CCNY: variants seen among roughly 807,000 people sequenced by gnomAD.
CCNY encodes cyclin-Y.
In CCNY, 19 loss-of-function variants were observed where a neutral mutation model predicts 42.8. That is an observed-to-expected ratio of 0.44 (90% CI 0.31 to 0.65). The LOEUF is 0.65. CCNY is among the 30% of genes least tolerant of loss of function. The probability of loss-of-function intolerance (pLI) is 0.07; values close to 1 mark genes in which losing one functional copy is unlikely to be tolerated. For missense variants in CCNY, 370 were observed against 437.3 expected, an observed-to-expected ratio of 0.85 and a Z score of 1.37; for synonymous variants, 165 against 162.7, an observed-to-expected ratio of 1.01 and a Z score of -0.11.
At position 35,421,915 on chromosome 10, in the gene CCNY, C is replaced by T. The variant is rs114472435; in HGVS notation, c.155-61489C>T. Among the ~76,000 whole-genome samples the T allele has an allele frequency of 1.4e-3, 218 of 152,170 alleles. 1 individual carries two copies. Among genetic ancestry groups the T allele is most frequent in the African/African-American group, 3.6e-3 (148 of 41,480 alleles). On this transcript the variant is annotated intron_variant, in intron 1 of 9. Transcript: ENST00000374704. ...GTTGGGTGAATTTTAATTCAGTCTC[C>T]GTAACAATCTTAGGTGGATACTCAT...
intron 1 of CCNY, among the ~76,000 whole-genome samples, chr10:35,457,393 T>C (rs1839060689): frequency 6.6e-6 from 1 of 152,210 alleles, no homozygotes; most frequent in African/African-American, 2.4e-5. Flanking sequence ...TGTGTACACC[T>C]GCCCGTCCTT....
chr10:35,325,648 T>C (rs766460583), intron 3 of CCNY, among the ~76,000 whole-genome samples: 1 of 151,894 alleles, frequency 6.6e-6, no homozygotes, highest in Non-Finnish European at 1.5e-5. Context: ...TTGTATTTTT[T>C]AGTAGAGACA....
Position 35,504,837 on chromosome 10 carries a change from A to G in CCNY, c.264+3302A>G, listed in dbSNP as rs143941389. ...TTTTTAGTAGAGACAGGAATTAGCT[A>G]TGTTGGCCAGGCTGGTCTTGAACCC... On this transcript the variant is annotated intron_variant, in intron 3 of 9. Coordinates refer to ENST00000374704, the MANE Select transcript of CCNY (RefSeq NM_145012.6). 1.3e-3 allele frequency among the ~76,000 whole-genome samples: 194 copies of G among 152,162 alleles called. 2 individuals carry two copies. The highest frequency in any genetic ancestry group is 4.3e-3 in the African/African-American group (180 of 41,506).
chr10:35,417,931 C>T (rs79715583), intron 1 of CCNY, among the ~76,000 whole-genome samples: 5,231 of 152,248 alleles, frequency 0.034, 127 homozygotes, highest in Non-Finnish European at 0.053. Context: ...CAAAAGCCTT[C>T]AGCAAGATGC....
intron 3 of CCNY, among the ~76,000 whole-genome samples, chr10:35,505,025 A>G (rs1393385656): frequency 6.7e-6 from 1 of 149,334 alleles, no homozygotes; most frequent in African/African-American, 2.5e-5. Flanking sequence ...ATTTGCTGAC[A>G]TTTTGACTTT....
chr10:35,389,753 A>C (rs570736333), intron 1 of CCNY, among the ~76,000 whole-genome samples: 14 of 152,300 alleles, frequency 9.2e-5, no homozygotes, highest in African/African-American at 4.8e-5. Flanking sequence ...TGTGACTCTT[A>C]AAGTAGTGAG....
chr10:35,359,682 T>G (rs547441867), intron 1 of CCNY, among the ~76,000 whole-genome samples: 1 of 152,226 alleles, frequency 6.6e-6, no homozygotes, highest in East Asian at 1.9e-4. Flanking sequence ...TTAGGCACAT[T>G]CACATTGCTG....
chr10:35,259,683 T>A, intron 3 of CCNY, among the ~76,000 whole-genome samples: 1 of 146,242 alleles, frequency 6.8e-6, no homozygotes. Context: ...TTTTTTTTTT[T>A]TTTTTTTTTT....
At chr10:35,509,281 G>A (rs1230248376) in intron 3 of CCNY, among the ~76,000 whole-genome samples, 1 of 151,844 alleles carries the variant, frequency 6.6e-6, no homozygotes, top group Non-Finnish European at 1.5e-5. Flanking sequence ...CTTTTTTGGG[G>A]GCTGGGGGTA....
intron 3 of CCNY, among the ~76,000 whole-genome samples, chr10:35,280,163 C>T (rs375169151): frequency 2.0e-5 from 3 of 152,006 alleles, no homozygotes; most frequent in African/African-American, 7.2e-5. Flanking sequence ...CTTGTCTCTA[C>T]AAAAAATACA....
chr10:35,296,450 G>A lies in CCNY; in HGVS notation c.-9+45824G>A, dbSNP rs564490684. ...ACAAAAATTAGTTGTGTGTGGTGGC[G>A]CATACCTGTAATCCCAGTTACTTGG... is the stretch of plus-strand genomic sequence containing the variant. On this transcript the variant is annotated intron_variant, in intron 3 of 11. Coordinates refer to the CCNY transcript ENST00000374706. Among the ~76,000 whole-genome samples the A allele has an allele frequency of 7.9e-5, 12 of 152,234 alleles. No homozygotes were observed. In the East Asian group the frequency reaches 1.7e-3, roughly 22 times the overall value.
At chr10:35,430,066 G>A (rs979740580) in intron 1 of CCNY, among the ~76,000 whole-genome samples, 6 of 151,818 alleles carry the variant, frequency 4.0e-5, no homozygotes, top group East Asian at 3.9e-4. Context: ...TGCCGGGCGC[G>A]GTGGCTCACG....
intron 1 of CCNY, among the ~76,000 whole-genome samples, chr10:35,384,146 AT>A (rs1837252763): frequency 6.6e-6 from 1 of 152,210 alleles, no homozygotes; most frequent in Non-Finnish European, 1.5e-5. Context: ...ACCCAAAAGT[AT>A]TTGAGACAGG....
chr10:35,310,012 G>A (rs985964087), intron 3 of CCNY, among the ~76,000 whole-genome samples: 1 of 151,976 alleles, frequency 6.6e-6, no homozygotes, highest in African/African-American at 2.4e-5. Context: ...ATGTTAGCCA[G>A]GATGGTCTCG....
intron 1 of CCNY, among the ~76,000 whole-genome samples, chr10:35,416,160 C>CGTGTGTGTGTGTGTGTGT (rs57188309): frequency 1.8e-3 from 267 of 144,580 alleles, no homozygotes; most frequent in African/African-American, 6.2e-3. Flanking sequence ...TTGTGGCACC[C>CGTGTGTGTGTGTGTGTGT]GTGTGTGTGT....
At chr10:35,285,199 A>AATTTTTTGT (rs1421355148) in intron 3 of CCNY, among the ~76,000 whole-genome samples, 1 of 151,746 alleles carries the variant, frequency 6.6e-6, no homozygotes, top group Non-Finnish European at 1.5e-5. Context: ...ATACCTGGGT[A>AATTTTTTGT]ATTTTTTGTA....
At chr10:35,379,509 C>T (rs780552772) in intron 1 of CCNY, among the ~76,000 whole-genome samples, 4 of 152,140 alleles carry the variant, frequency 2.6e-5, no homozygotes, top group Admixed American at 6.5e-5. Flanking sequence ...ATTCTAAATT[C>T]AAGACTTAGA....
chr10:35,444,214 T>C (rs1838738986), intron 1 of CCNY, among the ~76,000 whole-genome samples: 1 of 151,550 alleles, frequency 6.6e-6, no homozygotes, highest in Non-Finnish European at 1.5e-5. Context: ...CTGCAGGCCC[T>C]GCCTGAGGCT....
intron 3 of CCNY, among the ~76,000 whole-genome samples, chr10:35,507,650 G>T (rs936967124): frequency 1.3e-5 from 2 of 152,162 alleles, no homozygotes; most frequent in Admixed American, 6.5e-5. Flanking sequence ...GCTACAGCGT[G>T]TTTTTCTGTG....
Sources: gnomAD v4.1 joint callset for allele counts (sites outside exome capture counted in the v4.1 genomes callset) on GRCh38, gnomAD v4.1.1 for gene constraint, MANE v1.5 for transcripts, NCBI Gene and HGNC (gene_info 2026-07-23, HGNC 2026-07-21) for gene names.